ATP5F1A: variants seen among roughly 807,000 people sequenced by gnomAD.
The protein encoded by ATP5F1A is ATP synthase F(1) complex subunit alpha, mitochondrial.
Under a neutral mutation model 57.4 loss-of-function variants are expected in ATP5F1A, and 24 were observed. The ratio of observed to expected loss-of-function variants is 0.42; its 90% CI spans 0.30 to 0.59. The LOEUF is 0.59. Ranked by LOEUF, ATP5F1A falls within the 20% of genes least tolerant of loss-of-function variation. The probability of loss-of-function intolerance (pLI) is 0.19; values close to 1 mark genes in which losing one functional copy is unlikely to be tolerated. For synonymous variants in ATP5F1A, 251 were observed against 255.5 expected (o/e 0.98, Z 0.17); for missense variants, 494 against 707.9 (o/e 0.70, Z 3.43).
chr18:46,098,359 TTC>T (rs1394768844), upstream of ATP5F1A: 35 of 1,297,600 alleles, frequency 2.7e-5, no homozygotes, highest in African/African-American at 3.3e-5. Flanking sequence ...GCCCCTCGCG[TTC>T]ACCACCTCTC....
In ATP5F1A at chr18:46,084,353, T is replaced by G. The variant is rs537293759; in HGVS notation, c.1591A>C (p.Lys531Gln). The change falls in exon 12 of 12, where the codon AAG becomes CAG. Residue 531 changes from lysine to glutamine, a missense_variant. Coordinates refer to ENST00000398752, the MANE Select transcript of ATP5F1A (RefSeq NM_004046.6). ...ALLGTIRADG[K>Q]ISEQSDAKLK... ...TTTGCATCTGATTGTTCTGAGATCT[T>G]TCCATCAGCCCTATTTGGAAATAAA... 1 of 1,613,240 alleles carries G rather than the reference T, an allele frequency of 6.2e-7. No homozygotes were observed. Among genetic ancestry groups the G allele is most frequent in the East Asian group, 2.2e-5 (1 of 44,840 alleles).
Position 46,087,449 on chromosome 18 carries a change from A to G in ATP5F1A, c.843T>C (p.Asp281=), listed in dbSNP as rs1440876697. The G allele has an allele frequency of 9.9e-6, 16 of 1,614,254 alleles. No individual in the cohort carries two copies. Among genetic ancestry groups the G allele is most frequent in the Non-Finnish European group, 1.4e-5 (16 of 1,180,040 alleles). The change falls in exon 7 of 12, where the codon GAT becomes GAC. Residue 281 remains aspartate (D), a synonymous_variant. Transcript: ENST00000398752. ...YTIVVSATAS[D]AAPLQYLAPY... ...GAGCCAGGTACTGAAGTGGGGCAGCATCCGAGGCCGTAGCCGACACCACAA... is the reference window on the plus strand; with the variant it reads ...GAGCCAGGTACTGAAGTGGGGCAGCGTCCGAGGCCGTAGCCGACACCACAA...
chr18:46,087,691 C>T (rs1026736320), intron 6 of ATP5F1A, 199 bp from the exon 7 acceptor site: 4 of 579,532 alleles, frequency 6.9e-6, no homozygotes, highest in African/African-American at 5.6e-5. Context: ...ACCAGCCTGA[C>T]CAATATGAGG....
chr18:46,094,924 G>A, intron 2 of ATP5F1A, 129 bp downstream of exon 2: 1 of 1,285,854 alleles, frequency 7.8e-7, no homozygotes. Context: ...TATGGTTTAA[G>A]AACCTGAGAG....
chr18:46,094,121 A>G (rs547526290), intron 2 of ATP5F1A, among the ~76,000 whole-genome samples: 1 of 152,016 alleles, frequency 6.6e-6, no homozygotes, highest in East Asian at 1.9e-4. Flanking sequence ...AAAAAAAGAA[A>G]AAAGAAAAAC....
At chr18:46,085,200 C>T (rs1196414204) in intron 10 of ATP5F1A, 1 of 148,580 alleles carries the variant, frequency 6.7e-6, no homozygotes, top group East Asian at 2.0e-4. Context: ...GGCGGGTGGA[C>T]CACTTAAGGT....
intron 2 of ATP5F1A, 72 bp downstream of exon 2, chr18:46,094,979 CCA>C (rs2144211128): frequency 1.4e-6 from 2 of 1,464,752 alleles, no homozygotes; most frequent in East Asian, 4.8e-5. Flanking sequence ...AAACAACTCA[CCA>C]CAGTTATACG....
chr18:46,103,952 C>G (rs978266483), intron 1 of ATP5F1A, among the ~76,000 whole-genome samples: 2 of 152,066 alleles, frequency 1.3e-5, no homozygotes, highest in African/African-American at 4.8e-5. Context: ...GTTGGGGGAA[C>G]TAACGGATCA....
intron 2 of ATP5F1A, chr18:46,092,154 GTAA>G (rs1910603418): frequency 6.6e-6 from 1 of 152,652 alleles, no homozygotes. Context: ...TCAAGCCTGG[GTAA>G]CAAGGGCAAA....
chr18:46,100,140 A>G (rs916228937), upstream of ATP5F1A, among the ~76,000 whole-genome samples: 1 of 151,742 alleles, frequency 6.6e-6, no homozygotes, highest in African/African-American at 2.4e-5. Flanking sequence ...AATCCCAGCT[A>G]CTGGGGAGGC....
chr18:46,102,792 C>G (rs1029079933), upstream of ATP5F1A, among the ~76,000 whole-genome samples: 10 of 151,856 alleles, frequency 6.6e-5, no homozygotes, highest in African/African-American at 2.4e-4. Context: ...ACAAAAAATA[C>G]AAAAAGTTAG....
intron 3 of ATP5F1A, among the ~76,000 whole-genome samples, chr18:46,091,154 G>A (rs528884350): frequency 6.6e-6 from 1 of 152,216 alleles, no homozygotes; most frequent in East Asian, 1.9e-4. Context: ...AGTTTATCCA[G>A]ATGTCATCCT....
At position 46,084,602 on chromosome 18, in the gene ATP5F1A, T is replaced by C. The variant is rs1599766205; in HGVS notation, c.1482A>G (p.Gly494=). The change falls in exon 11 of 12, where the codon GGA becomes GGG. Residue 494 remains glycine (G), a synonymous_variant. Coordinates refer to ENST00000398752, the MANE Select transcript of ATP5F1A (RefSeq NM_004046.6). ...QVAVIYAGVR[G]YLDKLEPSKI... ...TGCTGGGCTCCAGTTTATCAAGATA[T>C]CCCCTTACACCCGCATAGATAACAG... is the stretch of plus-strand genomic sequence containing the variant. The C allele has an allele frequency of 6.2e-7, 1 of 1,611,938 alleles. No homozygotes were observed. The highest frequency in any genetic ancestry group is 8.5e-7 in the Non-Finnish European group (1 of 1,179,550).
intron 9 of ATP5F1A, 63 bp from the exon 10 acceptor site, chr18:46,086,320 A>G: frequency 2.5e-6 from 2 of 810,754 alleles, no homozygotes; most frequent in Non-Finnish European, 3.7e-6. Flanking sequence ...AATATAGTTA[A>G]TATATTAATA....
upstream of ATP5F1A, among the ~76,000 whole-genome samples, chr18:46,101,950 G>A (rs868356973): frequency 7.2e-5 from 11 of 151,960 alleles, no homozygotes; most frequent in South Asian, 2.1e-4. Flanking sequence ...TGAGGTGGGC[G>A]GATCACGAGG....
chr18:46,099,312 CT>C (rs201708179), upstream of ATP5F1A: 73 of 143,858 alleles, frequency 5.1e-4, no homozygotes, highest in Admixed American at 1.2e-3. Flanking sequence ...CCTGGATGGG[CT>C]TTTTTTTTTT....
chr18:46,090,092 G>GGGGGGGGC, intron 3 of ATP5F1A, 96 bp from the exon 4 acceptor site: 1 of 512,010 alleles, frequency 2.0e-6, no homozygotes, highest in Non-Finnish European at 3.1e-6. Flanking sequence ...GGGTGGGGGG[G>GGGGGGGGC]GAAGCAGTAT....
chr18:46,086,722 C>T (rs897395319), intron 8 of ATP5F1A: 9 of 595,162 alleles, frequency 1.5e-5, no homozygotes, highest in Non-Finnish European at 2.6e-5. Context: ...GAAATACATA[C>T]AAATGAAGTG....
chr18:46,103,890 GGCGACAAA>G (rs1279526564), intron 1 of ATP5F1A, among the ~76,000 whole-genome samples: 16 of 152,032 alleles, frequency 1.1e-4, no homozygotes, highest in Admixed American at 1.1e-3. Flanking sequence ...CTCCAGCCTG[GGCGACAAA>G]GCGAGACTCT....
Sources: gnomAD v4.1 joint callset for allele counts (sites outside exome capture counted in the v4.1 genomes callset) on GRCh38, gnomAD v4.1.1 for gene constraint, MANE v1.5 for transcripts, NCBI Gene and HGNC (gene_info 2026-07-23, HGNC 2026-07-21) for gene names.